ETNK1: variants seen among roughly 807,000 people sequenced by gnomAD.
The protein encoded by ETNK1 is putative protein product of Nbla10396.
A neutral mutation model predicts 45.1 loss-of-function variants in ETNK1; 8 were observed. That is an observed-to-expected ratio of 0.18 (90% CI 0.10 to 0.32). The LOEUF is 0.32. ETNK1 is among the 10% of genes least tolerant of loss of function. The pLI is 1.00. For synonymous variants in ETNK1, 152 were observed against 151.9 expected (o/e 1.00, Z -0.01); for missense variants, 302 against 430.6 (o/e 0.70, Z 2.64).
At chr12:22,663,848 CT>C (rs1441945237) in intron 4 of ETNK1, among the ~76,000 whole-genome samples, 3 of 150,392 alleles carry the variant, frequency 2.0e-5, no homozygotes, top group Non-Finnish European at 4.4e-5. Context: ...CAGAAATGTT[CT>C]GTTTTTTTTT....
At chr12:22,669,763 A>AGT (rs1272794604) in intron 4 of ETNK1, among the ~76,000 whole-genome samples, 1 of 152,150 alleles carries the variant, frequency 6.6e-6, no homozygotes, top group African/African-American at 2.4e-5. Flanking sequence ...TCAGGCCAGG[A>AGT]GTTCCATACC....
intron 3 of ETNK1, 69 bp from the exon 4 acceptor site, chr12:22,660,994 G>T: frequency 4.4e-6 from 6 of 1,357,148 alleles, no homozygotes; most frequent in Non-Finnish European, 6.1e-6. Context: ...ATTCAAAATA[G>T]ATTTTAATCC....
chr12:22,628,201 T>C (rs1953530862), intron 1 of ETNK1, among the ~76,000 whole-genome samples: 1 of 152,108 alleles, frequency 6.6e-6, no homozygotes, highest in South Asian at 2.1e-4. Flanking sequence ...ACGGTACTGT[T>C]AATATGTATC....
rs760684955 is a variant in ETNK1, at chr12:22,687,920, C to T, written c.*2966C>T. 5 of 152,126 alleles carry T rather than the reference C, an allele frequency of 3.3e-5. No individual in the cohort carries two copies. The highest frequency in any genetic ancestry group is 5.9e-5 in the Non-Finnish European group (4 of 67,720). The allele number at this position is 152,126 out of a possible 1,614,324, so 9.4% of individuals were successfully genotyped here. A position where few individuals can be genotyped will look rare whatever the true frequency, so the allele number is the denominator to read the frequency against. ...CACAGGAACTGGAAATAGGGTTTGT[C>T]GGCTTTGGTTAATGTCAGTACTCAT... On this transcript the variant is annotated 3_prime_UTR_variant, in exon 8 of 8. Transcript: ENST00000266517.
At chr12:22,643,687 G>A in intron 1 of ETNK1, 76 bp from the exon 2 acceptor site, 2 of 1,283,468 alleles carry the variant, frequency 1.6e-6, no homozygotes, top group Non-Finnish European at 2.1e-6. Context: ...TTTAACTCAT[G>A]ATTTTCAATT....
intron 4 of ETNK1, among the ~76,000 whole-genome samples, chr12:22,661,917 T>TTGAGGTTTGGTTGCTA (rs560102886): frequency 9.8e-4 from 149 of 152,318 alleles, no homozygotes; most frequent in African/African-American, 3.5e-3. Context: ...GTGAAGTGGT[T>TTGAGGTTTGGTTGCTA]TGAGGTTTGG....
At chr12:22,650,447 ACTCT>A (rs1045417431) in intron 2 of ETNK1, among the ~76,000 whole-genome samples, 12 of 151,684 alleles carry the variant, frequency 7.9e-5, no homozygotes, top group Non-Finnish European at 1.8e-4. Context: ...GATTGAAGAT[ACTCT>A]CTCTTTATTC....
At chr12:22,653,495 G>A (rs1253268931) in intron 2 of ETNK1, among the ~76,000 whole-genome samples, 7 of 152,010 alleles carry the variant, frequency 4.6e-5, no homozygotes. Context: ...AACATGGGGT[G>A]TCTTTCTGTT....
intron 1 of ETNK1, among the ~76,000 whole-genome samples, chr12:22,635,935 T>C (rs1953650330): frequency 6.6e-6 from 1 of 152,180 alleles, no homozygotes; most frequent in Non-Finnish European, 1.5e-5. Context: ...CCCAGCACTT[T>C]GGGAGCCTGA....
intron 1 of ETNK1, among the ~76,000 whole-genome samples, chr12:22,629,853 G>T (rs577317835): frequency 6.6e-5 from 10 of 152,142 alleles, no homozygotes; most frequent in Non-Finnish European, 1.2e-4. Context: ...AACTTTTAAT[G>T]TTAGTGATTA....
At chr12:22,669,406 C>T (rs541941486) in intron 4 of ETNK1, among the ~76,000 whole-genome samples, 3 of 151,580 alleles carry the variant, frequency 2.0e-5, no homozygotes, top group Non-Finnish European at 4.4e-5. Flanking sequence ...TTCATCCTTC[C>T]CCCCCATGCA....
intron 1 of ETNK1, among the ~76,000 whole-genome samples, chr12:22,627,885 A>G (rs890058151): frequency 6.6e-6 from 1 of 152,120 alleles, no homozygotes; most frequent in Non-Finnish European, 1.5e-5. Context: ...CATATCAGAA[A>G]ATAAAAAGAA....
At chr12:22,660,697 A>G (rs901386184) in intron 3 of ETNK1, among the ~76,000 whole-genome samples, 1 of 151,784 alleles carries the variant, frequency 6.6e-6, no homozygotes, top group African/African-American at 2.4e-5. Flanking sequence ...TTAAACCTCT[A>G]TTTATTAAAT....
At chr12:22,644,420 T>G in intron 2 of ETNK1, 1 of 1,185,978 alleles carries the variant, frequency 8.4e-7, no homozygotes, top group Non-Finnish European at 1.1e-6. Flanking sequence ...TAACAATTCT[T>G]TGTTCTTTAC....
chr12:22,630,766 A>T (rs570233992), intron 1 of ETNK1, among the ~76,000 whole-genome samples: 21 of 151,996 alleles, frequency 1.4e-4, no homozygotes, highest in African/African-American at 4.6e-4. Context: ...GTGCGCCACC[A>T]TGCTCAGCTA....
At chr12:22,650,021 G>C (rs1953854687) in intron 2 of ETNK1, among the ~76,000 whole-genome samples, 1 of 151,970 alleles carries the variant, frequency 6.6e-6, no homozygotes, top group South Asian at 2.1e-4. Flanking sequence ...TACATAGTTT[G>C]TTAGATTTAT....
chr12:22,688,574 T>C lies in ETNK1; in HGVS notation c.*3620T>C, dbSNP rs1021002457. 2.6e-5 allele frequency: 4 copies of C among 152,352 alleles called. No individual in the cohort carries two copies. The highest frequency in any genetic ancestry group is 5.9e-5 in the Non-Finnish European group (4 of 67,794). 9.4% of individuals were successfully genotyped at this position (152,352 alleles called of 1,614,324 possible). ...TTCAATTTTCTGCTTTAAATTGTTT[T>C]TAATAAGCATTCCAAAGTGATACAG... is the stretch of plus-strand genomic sequence containing the variant. On this transcript the variant is annotated 3_prime_UTR_variant, in exon 8 of 8. Coordinates refer to ENST00000266517, the MANE Select transcript of ETNK1 (RefSeq NM_018638.5).
intron 1 of ETNK1, among the ~76,000 whole-genome samples, chr12:22,631,660 G>A (rs566233886): frequency 6.6e-5 from 10 of 152,084 alleles, no homozygotes; most frequent in African/African-American, 2.2e-4. Context: ...CAGATGAGAT[G>A]GAAATAAGGT....
At chr12:22,651,523 C>T (rs912463342) in intron 2 of ETNK1, among the ~76,000 whole-genome samples, 4 of 151,938 alleles carry the variant, frequency 2.6e-5, no homozygotes, top group Admixed American at 2.6e-4. Context: ...ACTCCTTTAC[C>T]CTCACTATCT....
Sources: gnomAD v4.1 joint callset for allele counts (sites outside exome capture counted in the v4.1 genomes callset) on GRCh38, gnomAD v4.1.1 for gene constraint, MANE v1.5 for transcripts, NCBI Gene and HGNC (gene_info 2026-07-23, HGNC 2026-07-21) for gene names.